The following GJB7 variants were observed in gnomAD, a reference collection of about 807,000 sequenced individuals.
GJB7 encodes the protein gap junction beta-7 protein.
For synonymous variants in GJB7, 87 were observed against 95.2 expected, an observed-to-expected ratio of 0.91 and a Z score of 0.50; for missense variants, 253 against 256.8, an observed-to-expected ratio of 0.99 and a Z score of 0.10.
chr6:87,285,405 G>A (rs1304552017), intron 2 of GJB7, among the ~76,000 whole-genome samples: 1 of 152,124 alleles, frequency 6.6e-6, no homozygotes, highest in African/African-American at 2.4e-5. Flanking sequence ...CAGTCCTTAA[G>A]GTTTATTACC....
intron 2 of GJB7, among the ~76,000 whole-genome samples, chr6:87,298,451 G>A (rs1390509097): frequency 2.6e-5 from 4 of 152,192 alleles, no homozygotes; most frequent in Non-Finnish European, 4.4e-5. Flanking sequence ...GTTTGCCAAC[G>A]TAAAGAAGTC....
intron 1 of GJB7, among the ~76,000 whole-genome samples, chr6:87,328,353 C>G (rs1776889376): frequency 6.6e-6 from 1 of 152,158 alleles, no homozygotes; most frequent in African/African-American, 2.4e-5. Context: ...TCCAGTTTTT[C>G]TGCTCTGTTT....
intron 2 of GJB7, among the ~76,000 whole-genome samples, chr6:87,290,565 A>C (rs984583229): frequency 6.6e-6 from 1 of 151,666 alleles, no homozygotes; most frequent in Non-Finnish European, 1.5e-5. Context: ...ATGTACGTTC[A>C]TATTCCTAAG....
rs190721020 is a variant in GJB7, at chr6:87,325,064, C to T, written c.-205-2021G>A. Among the ~76,000 whole-genome samples, 647 of 151,980 alleles carry T rather than the reference C, an allele frequency of 4.3e-3. 17 individuals carry two copies. The highest frequency in any genetic ancestry group is 0.035 in the Admixed American group (541 of 15,266). ...ATGGGAGTTCACTCATGATTTGGCTCTCTGTTTGTTGCTGGTGTATAAGAA... is the reference window on the plus strand; with the variant it reads ...ATGGGAGTTCACTCATGATTTGGCTTTCTGTTTGTTGCTGGTGTATAAGAA... On this transcript the variant is annotated intron_variant, in intron 1 of 2. Transcript: ENST00000525899.
intron 1 of GJB7, among the ~76,000 whole-genome samples, chr6:87,327,946 G>A (rs1462858918): frequency 6.7e-6 from 1 of 150,006 alleles, no homozygotes; most frequent in Non-Finnish European, 1.5e-5. Context: ...TGGAGGCTTT[G>A]CTTGTTTCTT....
At chr6:87,324,684 A>G in intron 1 of GJB7, among the ~76,000 whole-genome samples, 1 of 151,206 alleles carries the variant, frequency 6.6e-6, no homozygotes, top group Non-Finnish European at 1.5e-5. Flanking sequence ...CTTGTAGTAT[A>G]CTTTGAAGTC....
chr6:87,319,854 T>C (rs1776630918), intron 2 of GJB7, among the ~76,000 whole-genome samples: 1 of 152,132 alleles, frequency 6.6e-6, no homozygotes, highest in African/African-American at 2.4e-5. Flanking sequence ...TAAAAAACAA[T>C]TTGCAACCAC....
At chr6:87,306,986 GACACAGGAAGGGGAACATC>G (rs1378151828) in intron 2 of GJB7, among the ~76,000 whole-genome samples, 3 of 152,030 alleles carry the variant, frequency 2.0e-5, no homozygotes, top group Non-Finnish European at 4.4e-5. Flanking sequence ...GGAACACATG[GACACAGGAAGGGGAACATC>G]ACACTCTGGG....
At chr6:87,286,604 T>G (rs1776064769) in intron 2 of GJB7, among the ~76,000 whole-genome samples, 1 of 152,240 alleles carries the variant, frequency 6.6e-6, no homozygotes, top group South Asian at 2.1e-4. Context: ...AGCCTTCTTT[T>G]TCATTTCGGT....
At chr6:87,313,186 G>A (rs2127908449) in intron 2 of GJB7, among the ~76,000 whole-genome samples, 1 of 152,054 alleles carries the variant, frequency 6.6e-6, no homozygotes, top group African/African-American at 2.4e-5. Flanking sequence ...AATGATTTGA[G>A]GAAAACCTCA....
intron 1 of GJB7, among the ~76,000 whole-genome samples, chr6:87,325,781 A>G (rs1232277393): frequency 2.0e-5 from 3 of 152,216 alleles, no homozygotes; most frequent in African/African-American, 2.4e-5. Flanking sequence ...CTGGCCTCAT[A>G]AAATGAGTTA....
intron 2 of GJB7, among the ~76,000 whole-genome samples, chr6:87,293,638 A>C (rs1405587957): frequency 6.6e-6 from 1 of 152,152 alleles, no homozygotes; most frequent in Admixed American, 6.5e-5. Flanking sequence ...ACCTTAAAGC[A>C]TCACCTGTTT....
At chr6:87,319,530 C>A (rs1201854128) in intron 2 of GJB7, among the ~76,000 whole-genome samples, 1 of 152,186 alleles carries the variant, frequency 6.6e-6, no homozygotes, top group Non-Finnish European at 1.5e-5. Flanking sequence ...GCTTAGGATG[C>A]AACATAATAA....
chr6:87,303,785 C>A (rs1776375555), intron 2 of GJB7, among the ~76,000 whole-genome samples: 1 of 152,166 alleles, frequency 6.6e-6, no homozygotes, highest in Non-Finnish European at 1.5e-5. Flanking sequence ...GTAAAGCACT[C>A]TTCAGCAAAT....
intron 2 of GJB7, chr6:87,298,807 C>G (rs57780241): frequency 3.4e-6 from 1 of 290,912 alleles, no homozygotes; most frequent in Non-Finnish European, 7.1e-6. Flanking sequence ...CAGATGAGAC[C>G]GGTGTCCAGG....
At chr6:87,290,763 G>A (rs1180827324) in intron 2 of GJB7, among the ~76,000 whole-genome samples, 1 of 152,182 alleles carries the variant, frequency 6.6e-6, no homozygotes, top group African/African-American at 2.4e-5. Flanking sequence ...ACGCCTAAAT[G>A]TTTACTGTTG....
intron 2 of GJB7, among the ~76,000 whole-genome samples, chr6:87,289,701 C>A (rs1438962669): frequency 2.0e-5 from 3 of 152,142 alleles, no homozygotes; most frequent in Non-Finnish European, 4.4e-5. Flanking sequence ...ACTGTTGAAA[C>A]CCCTGTTGAG....
intron 2 of GJB7, among the ~76,000 whole-genome samples, chr6:87,287,939 G>C (rs149262329): frequency 6.6e-6 from 1 of 152,024 alleles, no homozygotes; most frequent in African/African-American, 2.4e-5. Context: ...GTGTTGCTCT[G>C]TTGCCCAGGC....
chr6:87,289,281 T>C (rs533199993), intron 2 of GJB7, among the ~76,000 whole-genome samples: 48 of 152,348 alleles, frequency 3.2e-4, no homozygotes, highest in African/African-American at 1.1e-3. Flanking sequence ...GTTGGCTTTT[T>C]TTCCCTCATG....
Sources: allele counts gnomAD v4.1 joint callset (sites outside exome capture counted in the v4.1 genomes callset), GRCh38; gene constraint gnomAD v4.1.1; transcripts MANE v1.5; gene names NCBI Gene and HGNC (gene_info 2026-07-23, HGNC 2026-07-21).